The following MORC3 variants were observed in gnomAD, a reference collection of about 807,000 sequenced individuals.
MORC3 encodes the protein MORC family CW-type zinc finger protein 3.
A neutral mutation model predicts 109.1 loss-of-function variants in MORC3; 31 were observed. That is an observed-to-expected ratio of 0.28 (90% CI 0.21 to 0.38). The LOEUF (loss-of-function observed/expected upper bound fraction) is 0.38, where lower values mean the gene tolerates loss of function less well. Ranked by LOEUF, MORC3 falls within the 10% of genes least tolerant of loss-of-function variation. The pLI, the probability that MORC3 is intolerant of heterozygous loss-of-function variation, is 1.00. For missense variants in MORC3, 867 were observed against 1,135.8 expected, an observed-to-expected ratio of 0.76 and a Z score of 3.40; for synonymous variants, 395 against 380.7, an observed-to-expected ratio of 1.04 and a Z score of -0.44.
At chr21:36,343,674 C>T (rs2085476552) in intron 6 of MORC3, among the ~76,000 whole-genome samples, 1 of 151,658 alleles carries the variant, frequency 6.6e-6, no homozygotes, top group South Asian at 2.1e-4. Context: ...CTCTTGAACT[C>T]CTGACCTCGT....
intron 14 of MORC3, among the ~76,000 whole-genome samples, 169 bp from the exon 15 acceptor site, chr21:36,368,819 G>T (rs754346776): frequency 1.3e-5 from 2 of 152,232 alleles, no homozygotes; most frequent in Non-Finnish European, 2.9e-5. Context: ...AGAGGTTGCA[G>T]TGAGCCAAGA....
chr21:36,337,045 T>A, intron 3 of MORC3, 39 bp downstream of exon 3: 1 of 1,598,350 alleles, frequency 6.3e-7, no homozygotes, highest in Admixed American at 1.8e-5. Context: ...AATTGTTGCT[T>A]TTACCTAAAG....
intron 8 of MORC3, chr21:36,347,888 G>A (rs754793304): frequency 2.0e-5 from 3 of 152,212 alleles, no homozygotes; most frequent in Non-Finnish European, 2.9e-5. Flanking sequence ...AGAGAGACAG[G>A]ATAAGGCTGG....
rs1203175919 is a variant in MORC3, at chr21:36,338,881, G to A, written c.568G>A (p.Gly190Ser). The change falls in exon 5 of 17, where the codon GGC becomes AGC. Residue 190 changes from glycine (G) to serine (S), a missense_variant. Physicochemically the swap from Gly to Ser is moderately conservative, Grantham distance 56 (BLOSUM62 0). Around this residue, in one of 7 missense-constraint regions of MORC3, gnomAD observed 134 missense variants for 166.6 expected, o/e 0.80. Coordinates refer to ENST00000400485, the MANE Select transcript of MORC3 (RefSeq NM_015358.3). ...KLLAELDAII[G>S]KKGTRIIIWN... ...ACTGGCAGAACTTGATGCTATTATAGGCAAGAAGGGGACGAGGATCATCAT... is the reference window on the plus strand; with the variant it reads ...ACTGGCAGAACTTGATGCTATTATAAGCAAGAAGGGGACGAGGATCATCAT... 1 of 1,614,104 alleles carries A rather than the reference G, an allele frequency of 6.2e-7. No individual in the cohort carries two copies. The highest frequency in any genetic ancestry group is 1.1e-5 in the South Asian group (1 of 91,082).
chr21:36,374,299 C>T (rs1034056618), intron 16 of MORC3, among the ~76,000 whole-genome samples: 5 of 152,238 alleles, frequency 3.3e-5, no homozygotes, highest in South Asian at 2.1e-4. Context: ...CCATGTTGAT[C>T]AGGCTGGTCT....
intron 1 of MORC3, among the ~76,000 whole-genome samples, chr21:36,332,350 C>T (rs536422917): frequency 1.6e-4 from 25 of 152,150 alleles, no homozygotes; most frequent in East Asian, 9.7e-4. Context: ...GCAGGAGAAC[C>T]GCTTGAACCC....
At chr21:36,368,876 CAAAA>C (rs1214914101) in intron 14 of MORC3, 108 bp from the exon 15 acceptor site, 3 of 1,116,024 alleles carry the variant, frequency 2.7e-6, no homozygotes, top group Non-Finnish European at 2.5e-6. Flanking sequence ...CACTCCATCT[CAAAA>C]AACAAAAAAA....
chr21:36,346,095 A>G (rs1278852525), intron 8 of MORC3, among the ~76,000 whole-genome samples: 1 of 152,162 alleles, frequency 6.6e-6, no homozygotes, highest in Non-Finnish European at 1.5e-5. Flanking sequence ...ATCTCAGCTC[A>G]CTGCAACCTC....
rs751902718 is a variant in MORC3 at position 36,338,927 on chromosome 21, C to T, written c.608+6C>T. 1.3e-5 allele frequency: 20 copies of T among 1,528,016 alleles called. No individual in the cohort carries two copies. Among genetic ancestry groups the T allele is most frequent in the Middle Eastern group, 1.7e-4 (1 of 5,862 alleles). The allele number at this position is 1,528,016 out of a possible 1,614,324, so 94.7% of individuals were successfully genotyped here. A position where few individuals can be genotyped will look rare whatever the true frequency, so the allele number is the denominator to read the frequency against. Reference sequence around the variant, plus strand: ...ATCATTTGGAATCTTAGAAGGTAAACGTGGACATAGATGTTGACCGTTTGG... The same window carrying T: ...ATCATTTGGAATCTTAGAAGGTAAATGTGGACATAGATGTTGACCGTTTGG... On this transcript the variant is annotated splice_donor_region_variant and intron_variant, in intron 5 of 16. Transcript: ENST00000400485.
chr21:36,328,330 G>GC lies in MORC3; in HGVS notation c.40-5307dup, dbSNP rs997805995. Reference sequence around the variant, plus strand: ...CATCTTTTGTTATTTATAATAATAAGCCCCCCCCCGCCTTTTTTTTTTTTT... The same window carrying GC: ...CATCTTTTGTTATTTATAATAATAAGCCCCCCCCCCGCCTTTTTTTTTTTTT... On this transcript the variant is annotated intron_variant, in intron 1 of 16. Coordinates refer to ENST00000400485, the MANE Select transcript of MORC3 (RefSeq NM_015358.3). 2.9e-3 allele frequency among the ~76,000 whole-genome samples: 404 copies of GC among 138,018 alleles called. 2 individuals are homozygous for GC. Among genetic ancestry groups the GC allele is most frequent in the African/African-American group, 6.9e-3 (264 of 38,306 alleles). 90.5% of individuals were successfully genotyped at this position (138,018 alleles called of 152,430 possible). A position where few individuals can be genotyped will look rare whatever the true frequency, so the allele number is the denominator to read the frequency against.
At chr21:36,344,785 T>C (rs2085489619) in intron 7 of MORC3, 78 bp downstream of exon 7, 1 of 1,583,736 alleles carries the variant, frequency 6.3e-7, no homozygotes, top group Non-Finnish European at 8.6e-7. Context: ...TATATGCTGA[T>C]AGGGATTCTA....
intron 2 of MORC3, among the ~76,000 whole-genome samples, chr21:36,336,657 A>T (rs1300950744): frequency 6.6e-6 from 1 of 152,200 alleles, no homozygotes; most frequent in East Asian, 1.9e-4. Flanking sequence ...TGTTAATTCT[A>T]TAATAGTCGA....
chr21:36,339,524 A>AAAAAAAAAAAC (rs2085416430), intron 5 of MORC3: 1 of 145,702 alleles, frequency 6.9e-6, no homozygotes, highest in Non-Finnish European at 1.5e-5. Flanking sequence ...AAAAAAAGAA[A>AAAAAAAAAAAC]AAAGAAAAAA....
At chr21:36,350,372 C>G (rs899598631) in intron 9 of MORC3, among the ~76,000 whole-genome samples, 2 of 151,634 alleles carry the variant, frequency 1.3e-5, no homozygotes, top group Non-Finnish European at 2.9e-5. Flanking sequence ...GGCGGAGGAT[C>G]GCTTGAGCCG....
At chr21:36,333,374 C>T (rs912262186) in intron 1 of MORC3, 6 of 420,028 alleles carry the variant, frequency 1.4e-5, no homozygotes, top group Non-Finnish European at 1.7e-5. Context: ...AAGGTATGTC[C>T]CTATTTGGGA....
intron 16 of MORC3, among the ~76,000 whole-genome samples, chr21:36,373,863 A>G (rs1009011149): frequency 1.3e-5 from 2 of 152,140 alleles, no homozygotes; most frequent in Non-Finnish European, 2.9e-5. Context: ...CACTCATTTT[A>G]TGTGTTTGCC....
At chr21:36,353,355 C>CAAAAAA (rs35837458) in intron 9 of MORC3, among the ~76,000 whole-genome samples, 2 of 55,660 alleles carry the variant, frequency 3.6e-5, no homozygotes, top group African/African-American at 7.8e-5. Flanking sequence ...GACTCTGTCT[C>CAAAAAA]AAAAAAAAAA....
At chr21:36,365,998 G>A (rs1231026628) in intron 14 of MORC3, among the ~76,000 whole-genome samples, 1 of 152,040 alleles carries the variant, frequency 6.6e-6, no homozygotes, top group African/African-American at 2.4e-5. Flanking sequence ...TTGTAAGGAT[G>A]GTTTTGTAGT....
At chr21:36,351,937 A>G (rs1167739452) in intron 9 of MORC3, among the ~76,000 whole-genome samples, 1 of 152,220 alleles carries the variant, frequency 6.6e-6, no homozygotes, top group Non-Finnish European at 1.5e-5. Flanking sequence ...ATGAAGCCAC[A>G]TAGCCTTGTT....
Sources: gnomAD v4.1 joint callset for allele counts (sites outside exome capture counted in the v4.1 genomes callset) on GRCh38, gnomAD v4.1.1 for gene constraint, gnomAD v4.1.1 regional missense constraint, MANE v1.5 for transcripts, NCBI Gene and HGNC (gene_info 2026-07-23, HGNC 2026-07-21) for gene names.